Variants in AOAH observed in about 807,000 individuals in gnomAD.
AOAH encodes the protein acyloxyacyl hydrolase.
AOAH carries 64 observed loss-of-function variants against 92.2 expected under a neutral mutation model. That is an observed-to-expected ratio of 0.69 (90% CI 0.57 to 0.86). The LOEUF is 0.86. Ranked by LOEUF, AOAH falls within the 40% of genes least tolerant of loss-of-function variation. The probability of loss-of-function intolerance (pLI) is 0.00; values close to 1 mark genes in which losing one functional copy is unlikely to be tolerated. For synonymous variants in AOAH, 263 were observed against 254.5 expected, an observed-to-expected ratio of 1.03 and a Z score of -0.32; for missense variants, 656 against 694.6, an observed-to-expected ratio of 0.94 and a Z score of 0.62.
chr7:36,700,452 T>G (rs1797960304), intron 1 of AOAH, among the ~76,000 whole-genome samples: 2 of 152,130 alleles, frequency 1.3e-5, no homozygotes, highest in Admixed American at 1.3e-4. Flanking sequence ...GTTGTTTCAC[T>G]TAAGATAATG....
At chr7:36,622,391 G>A (rs1392761420) in intron 7 of AOAH, among the ~76,000 whole-genome samples, 1 of 152,126 alleles carries the variant, frequency 6.6e-6, no homozygotes, top group Non-Finnish European at 1.5e-5. Flanking sequence ...TTAAATATTT[G>A]ACCTGAATGA....
At chr7:36,530,686 C>T in intron 18 of AOAH, 172 bp from the exon 19 acceptor site, 1 of 550,834 alleles carries the variant, frequency 1.8e-6, no homozygotes, top group Non-Finnish European at 3.2e-6. Flanking sequence ...TACAAATGGC[C>T]AGTGAACATG....
intron 11 of AOAH, among the ~76,000 whole-genome samples, chr7:36,601,672 A>G (rs1790612964): frequency 6.6e-6 from 1 of 152,236 alleles, no homozygotes; most frequent in Non-Finnish European, 1.5e-5. Flanking sequence ...AATAAATGTT[A>G]GTAGCATTAA....
At chr7:36,654,788 G>A (rs944971952) in intron 4 of AOAH, among the ~76,000 whole-genome samples, 30 of 152,138 alleles carry the variant, frequency 2.0e-4, no homozygotes, top group Admixed American at 1.8e-3. Context: ...CAACACCTAC[G>A]GAGTCTCAGT....
At chr7:36,578,897 G>T (rs1468204146) in intron 12 of AOAH, among the ~76,000 whole-genome samples, 3 of 152,122 alleles carry the variant, frequency 2.0e-5, no homozygotes, top group Non-Finnish European at 4.4e-5. Context: ...GTTCTGCAGG[G>T]TGTAAAGGAA....
chr7:36,530,910 C>A (rs1223787892), intron 18 of AOAH, among the ~76,000 whole-genome samples: 1 of 152,114 alleles, frequency 6.6e-6, no homozygotes, highest in African/African-American at 2.4e-5. Flanking sequence ...CCCAGTAATT[C>A]TTCTAGGAAT....
At chr7:36,701,519 T>C (rs1018406385) in intron 1 of AOAH, among the ~76,000 whole-genome samples, 1 of 151,010 alleles carries the variant, frequency 6.6e-6, no homozygotes, top group African/African-American at 2.4e-5. Context: ...TCTTACCTGA[T>C]ATAATAGCCC....
At chr7:36,683,121 A>G (rs191113739) in intron 2 of AOAH, among the ~76,000 whole-genome samples, 32 of 152,332 alleles carry the variant, frequency 2.1e-4, no homozygotes, top group Non-Finnish European at 4.0e-4. Flanking sequence ...GGACAAGGTA[A>G]ATTAGATTAT....
At chr7:36,514,382 A>G in intron 20 of AOAH, 2 of 994,324 alleles carry the variant, frequency 2.0e-6, no homozygotes, top group Non-Finnish European at 3.0e-6. Context: ...GCAGGCTGTG[A>G]GGGCAGGGAG....
At chr7:36,660,284 C>A (rs1214955940) in intron 3 of AOAH, among the ~76,000 whole-genome samples, 3 of 147,362 alleles carry the variant, frequency 2.0e-5, no homozygotes, top group South Asian at 2.2e-4. Context: ...AAATCAGTCT[C>A]CCCAATTATT....
intron 5 of AOAH, among the ~76,000 whole-genome samples, chr7:36,633,669 A>G (rs1044315789): frequency 6.6e-6 from 1 of 152,128 alleles, no homozygotes; most frequent in African/African-American, 2.4e-5. Flanking sequence ...GTGCAGCACT[A>G]CATGTTACCC....
chr7:36,560,850 C>A (rs542326315), intron 13 of AOAH, among the ~76,000 whole-genome samples: 1 of 152,116 alleles, frequency 6.6e-6, no homozygotes, highest in African/African-American at 2.4e-5. Context: ...TATTAAAATG[C>A]ACATAGCCAT....
At chr7:36,513,620 G>A (rs1790170228) in intron 20 of AOAH, among the ~76,000 whole-genome samples, 2 of 152,234 alleles carry the variant, frequency 1.3e-5, no homozygotes, top group Non-Finnish European at 2.9e-5. Context: ...CATTGCGTGA[G>A]GCTTGGCCTT....
At position 36,535,919 on chromosome 7, in the gene AOAH, C is replaced by T. The variant is rs144695221; in HGVS notation, c.1307-3575G>A. 1.2e-4 allele frequency among the ~76,000 whole-genome samples: 18 copies of T among 152,324 alleles called. 1 individual carries two copies. The East Asian group carries it at 3.5e-3, about 29-fold the overall frequency. ...ATCAGTAGAATCCCAATGTATGAGG[C>T]TTGCTGTCTGGTAATTCCTCACAAA... On this transcript the variant is annotated intron_variant, in intron 16 of 20. Transcript: ENST00000617537.
intron 16 of AOAH, among the ~76,000 whole-genome samples, chr7:36,534,713 G>T (rs549464088): frequency 6.6e-6 from 1 of 152,346 alleles, no homozygotes; most frequent in South Asian, 2.1e-4. Context: ...CATGAAGAGA[G>T]GTTGTGTCTG....
chr7:36,615,630 G>A (rs1364851359), intron 11 of AOAH, among the ~76,000 whole-genome samples: 1 of 152,198 alleles, frequency 6.6e-6, no homozygotes, highest in African/African-American at 2.4e-5. Context: ...CTCCCCAGGT[G>A]TTTGCACAAT....
chr7:36,560,625 C>A (rs1034138499), intron 13 of AOAH, among the ~76,000 whole-genome samples: 6 of 152,146 alleles, frequency 3.9e-5, no homozygotes, highest in South Asian at 2.1e-4. Context: ...GTTCCAGGAG[C>A]CTTTTAGTGT....
At chr7:36,532,868 C>T (rs921358634) in intron 16 of AOAH, among the ~76,000 whole-genome samples, 4 of 152,116 alleles carry the variant, frequency 2.6e-5, no homozygotes, top group African/African-American at 4.8e-5. Context: ...GAAGCTCTGA[C>T]CACGTAGTTC....
At chr7:36,577,024 CT>C (rs565396541) in intron 12 of AOAH, among the ~76,000 whole-genome samples, 9,459 of 131,342 alleles carry the variant, frequency 0.072, 527 homozygotes, top group African/African-American at 0.18. Context: ...TGTTGCCTTT[CT>C]TTTTTTTTTT....
Sources: gnomAD v4.1 joint callset for allele counts (sites outside exome capture counted in the v4.1 genomes callset) on GRCh38, gnomAD v4.1.1 for gene constraint, MANE v1.5 for transcripts, NCBI Gene and HGNC (gene_info 2026-07-23, HGNC 2026-07-21) for gene names.